ABCD4: variants seen among roughly 807,000 people sequenced by gnomAD.
ABCD4 encodes ATP binding cassette subfamily D member 4.
A neutral mutation model predicts 86.3 loss-of-function variants in ABCD4; 53 were observed. The ratio of observed to expected loss-of-function variants is 0.61; its 90% confidence interval spans 0.49 to 0.77. ABCD4 has a LOEUF of 0.77. Among genes scored for constraint, ABCD4 ranks in the 30% least tolerant of loss-of-function variants. The probability of loss-of-function intolerance (pLI) is 0.00; values close to 1 mark genes in which losing one functional copy is unlikely to be tolerated. For missense variants in ABCD4, 757 were observed against 764.5 expected (o/e 0.99, Z 0.12); for synonymous variants, 328 against 313.6 (o/e 1.05, Z -0.49).
chr14:74,296,380 G>C lies in ABCD4; in HGVS notation c.495C>G (p.Ile165Met), dbSNP rs1213956319. 6.2e-7 allele frequency: 1 copy of C among 1,614,088 alleles called. No individual in the cohort carries two copies. The highest frequency in any genetic ancestry group is 2.2e-5 in the East Asian group (1 of 44,896). ...RQLSSMASKL[I>M]ISPFTLVYYT... ...AGTAGACGAGGGTGAACGGGGAGATGATGAGCTTGCTGGCCATGCTGCTGA... is the reference window on the plus strand; with the variant it reads ...AGTAGACGAGGGTGAACGGGGAGATCATGAGCTTGCTGGCCATGCTGCTGA... Residue 165 changes from isoleucine to methionine, a missense_variant, in exon 5 of 19, where the codon ATC becomes ATG. Transcript: ENST00000356924.
chr14:74,300,171 G>A lies in ABCD4; in HGVS notation c.136C>T (p.Leu46Phe), dbSNP rs139873029. ...SSQNALMFLT[L>F]LCLTLLEQFV... ...TCACCCAGTAGGGTCAGGCACAAAA[G>A]GGTCAGGAACATCAAGGCATTTTGT... The change falls in exon 2 of 19, where the codon CTT (leucine) becomes TTT (phenylalanine). Residue 46 changes from leucine to phenylalanine, a missense_variant. Leu to Phe is a conservative substitution (Grantham distance 22, BLOSUM62 0). Transcript: ENST00000356924. The A allele has an allele frequency of 4.3e-6, 7 of 1,613,144 alleles. No individual in the cohort carries two copies. The highest frequency in any genetic ancestry group is 1.3e-5 in the African/African-American group (1 of 74,746).
At chr14:74,289,444 A>G (rs1378463236) in intron 14 of ABCD4, 39 bp downstream of exon 14, 2 of 1,612,932 alleles carry the variant, frequency 1.2e-6, no homozygotes, top group Non-Finnish European at 1.7e-6. Context: ...GACAACCATG[A>G]CAGAAGGAGA....
chr14:74,300,559 CAA>C (rs1359964264), intron 1 of ABCD4, among the ~76,000 whole-genome samples: 1 of 102,692 alleles, frequency 9.7e-6, no homozygotes, highest in African/African-American at 3.8e-5. Context: ...GCCATTGCAA[CAA>C]GAGCCTGGGC....
intron 3 of ABCD4, chr14:74,299,315 C>G: frequency 1.1e-5 from 5 of 469,666 alleles, no homozygotes; most frequent in Non-Finnish European, 1.9e-5. Flanking sequence ...TGAATTAAAC[C>G]AGAACCTGTG....
At chr14:74,291,568 A>G (rs2081493756) in intron 11 of ABCD4, among the ~76,000 whole-genome samples, 1 of 152,226 alleles carries the variant, frequency 6.6e-6, no homozygotes, top group Non-Finnish European at 1.5e-5. Context: ...CCCACAGAAC[A>G]GCAATTCCAG....
rs752765676 is a variant in ABCD4 at position 74,292,744 on chromosome 14, T to C, written c.936+4A>G. 6.2e-7 allele frequency: 1 copy of C among 1,614,000 alleles called. No individual in the cohort carries two copies. Among genetic ancestry groups the C allele is most frequent in the Non-Finnish European group, 8.5e-7 (1 of 1,179,948 alleles). On this transcript the variant is annotated splice_donor_region_variant and intron_variant, in intron 9 of 18. Transcript: ENST00000356924. Reference sequence around the variant, plus strand: ...CATGTGGGGTGACCAAGAGGGAGTCTCACCTTGCTGACCAGGGTGCTAAGC... The same window carrying C: ...CATGTGGGGTGACCAAGAGGGAGTCCCACCTTGCTGACCAGGGTGCTAAGC...
chr14:74,288,171 G>A (rs1442864228), intron 16 of ABCD4, 36 bp downstream of exon 16: 19 of 1,606,990 alleles, frequency 1.2e-5, no homozygotes, highest in Non-Finnish European at 1.6e-5. Flanking sequence ...TCTTTATGGT[G>A]GGGCTATCTC....
chr14:74,296,018 G>C, intron 5 of ABCD4, 39 bp from the exon 6 acceptor site: 1 of 1,566,368 alleles, frequency 6.4e-7, no homozygotes, highest in Non-Finnish European at 8.6e-7. Context: ...AGAGGGTGTG[G>C]GGTGCCACCT....
intron 1 of ABCD4, among the ~76,000 whole-genome samples, chr14:74,301,223 G>T (rs1293448797): frequency 6.6e-6 from 1 of 150,858 alleles, no homozygotes; most frequent in African/African-American, 2.4e-5. Flanking sequence ...GCAGTGGTGC[G>T]ATCTCAGCTC....
At chr14:74,299,364 C>A in intron 3 of ABCD4, 184 bp downstream of exon 3, 2 of 680,034 alleles carry the variant, frequency 2.9e-6, no homozygotes, top group African/African-American at 1.8e-5. Context: ...GGAATCAGTC[C>A]CACGTGGGCC....
intron 3 of ABCD4, among the ~76,000 whole-genome samples, chr14:74,298,708 A>G (rs993145103): frequency 2.0e-5 from 3 of 152,206 alleles, no homozygotes; most frequent in Non-Finnish European, 4.4e-5. Flanking sequence ...TTGTCCCCCA[A>G]GCTTGGGACA....
At chr14:74,289,681 G>A in intron 13 of ABCD4, 162 bp from the exon 14 acceptor site, 1 of 1,453,792 alleles carries the variant, frequency 6.9e-7, no homozygotes, top group Non-Finnish European at 9.0e-7. Context: ...CAGACAGCAG[G>A]GCAAGGTCCC....
In ABCD4 at chr14:74,295,204, C is replaced by A. The variant is rs115029507; in HGVS notation, c.669-6G>T. On this transcript the variant is annotated splice_polypyrimidine_tract_variant and splice_region_variant and intron_variant, in intron 6 of 18. Transcript: ENST00000356924. ...GAATCTGCATGTGCTTGAACCTGGG[C>A]GGACCAAAGGGAAATGTGTGCTGAC... 1,686 of 1,614,164 alleles carry A rather than the reference C, an allele frequency of 1.0e-3. 14 individuals carry two copies. In the African/African-American group the frequency reaches 0.02, roughly 19 times the overall value.
intron 1 of ABCD4, 108 bp downstream of exon 1, chr14:74,302,767 C>T: frequency 8.0e-7 from 1 of 1,246,446 alleles, no homozygotes; most frequent in Non-Finnish European, 1.1e-6. Flanking sequence ...GTCACGGGGG[C>T]GAGACGGGGG....
intron 1 of ABCD4, among the ~76,000 whole-genome samples, chr14:74,302,540 G>C (rs1209516891): frequency 1.3e-5 from 2 of 152,192 alleles, no homozygotes; most frequent in Non-Finnish European, 2.9e-5. Flanking sequence ...CCTTGCATTG[G>C]CCCACAGGGT....
chr14:74,285,698 C>G lies in ABCD4; in HGVS notation c.*763G>C, dbSNP rs2079608869. The G allele has an allele frequency of 6.6e-6, 1 of 152,054 alleles. No homozygotes were observed. The highest frequency in any genetic ancestry group is 1.5e-5 in the Non-Finnish European group (1 of 68,034). 9.4% of individuals were successfully genotyped at this position (152,054 alleles called of 1,614,324 possible). On this transcript the variant is annotated 3_prime_UTR_variant, in exon 19 of 19. Transcript: ENST00000356924. ...TTTTGTCTAATTTGCTGTTGTTGTTCCCTAATATAGACTATTTTTTTAGAA... is the reference window on the plus strand; with the variant it reads ...TTTTGTCTAATTTGCTGTTGTTGTTGCCTAATATAGACTATTTTTTTAGAA...
In ABCD4 at chr14:74,290,683, CT is replaced by C. The variant is rs35144250; in HGVS notation, c.1119-185del. 0.04 allele frequency among the ~76,000 whole-genome samples: 4,155 copies of C among 103,900 alleles called. 67 individuals carry two copies. Among genetic ancestry groups the C allele is most frequent in the East Asian group, 0.062 (208 of 3,342 alleles). The allele number at this position is 103,900 out of a possible 152,430, so 68.2% of individuals were successfully genotyped here. A position where few individuals can be genotyped will look rare whatever the true frequency, so the allele number is the denominator to read the frequency against. ...ATGTAACTGCATTCGGAGGCAGGGT[CT>C]TTTTTTTTTTTTTTTTTTTTGAGAG... On this transcript the variant is annotated intron_variant, in intron 11 of 18. Transcript: ENST00000356924.
At position 74,285,568 on chromosome 14, in the gene ABCD4, A is replaced by ACCTTCC. The variant is rs2079581301; in HGVS notation, c.*892_*893insGGAAGG. On this transcript the variant is annotated 3_prime_UTR_variant, in exon 19 of 19. Transcript: ENST00000356924. ...GAAGTACAGAAGCCTGGCAAAAATTATGAAGGTAAGGAAGGTAATACATAG... is the reference window on the plus strand; with the variant it reads ...GAAGTACAGAAGCCTGGCAAAAATTACCTTCCTGAAGGTAAGGAAGGTAATACATAG... 6.6e-6 allele frequency: 1 copy of ACCTTCC among 152,240 alleles called. No individual in the cohort carries two copies. The highest frequency in any genetic ancestry group is 1.5e-5 in the Non-Finnish European group (1 of 68,048). The allele number at this position is 152,240 out of a possible 1,614,324, so 9.4% of individuals were successfully genotyped here. A position where few individuals can be genotyped will look rare whatever the true frequency, so the allele number is the denominator to read the frequency against.
chr14:74,292,467 G>A (rs920107816), intron 10 of ABCD4, 84 bp downstream of exon 10: 57 of 1,587,070 alleles, frequency 3.6e-5, no homozygotes, highest in African/African-American at 5.4e-5. Flanking sequence ...TACATGGTAT[G>A]TCTCTGTTCC....
Sources: allele counts gnomAD v4.1 joint callset (sites outside exome capture counted in the v4.1 genomes callset), GRCh38; gene constraint gnomAD v4.1.1; transcripts MANE v1.5; gene names NCBI Gene and HGNC (gene_info 2026-07-23, HGNC 2026-07-21).